Variants in NEK11 observed in about 807,000 individuals in gnomAD.
NEK11 encodes the protein NIMA related kinase 11.
In NEK11, 72 loss-of-function variants were observed where a neutral mutation model predicts 80.7. That is an observed-to-expected ratio of 0.89 (90% confidence interval 0.74 to 1.08). The LOEUF is 1.08. Among genes scored for constraint, NEK11 ranks in the 50% least tolerant of loss-of-function variants. The probability of loss-of-function intolerance (pLI) is 0.00; values close to 1 mark genes in which losing one functional copy is unlikely to be tolerated. For synonymous variants in NEK11, 251 were observed against 260.7 expected (o/e 0.96, Z 0.36); for missense variants, 764 against 763.6 (o/e 1.00, Z -0.01).
intron 17 of NEK11, among the ~76,000 whole-genome samples, chr3:131,341,835 G>A (rs2097292114): frequency 6.6e-6 from 1 of 151,966 alleles, no homozygotes; most frequent in Non-Finnish European, 1.5e-5. Context: ...TTATTTGCCT[G>A]GTAGCTTTGT....
intron 5 of NEK11, among the ~76,000 whole-genome samples, chr3:131,114,834 A>G (rs2080766942): frequency 6.6e-6 from 1 of 152,238 alleles, no homozygotes; most frequent in South Asian, 2.1e-4. Flanking sequence ...TATATGATCT[A>G]CAGTATATAT....
chr3:131,105,930 CCTCATAACTTATG>C (rs2079110199), intron 4 of NEK11, among the ~76,000 whole-genome samples: 1 of 152,190 alleles, frequency 6.6e-6, no homozygotes, highest in Non-Finnish European at 1.5e-5. Flanking sequence ...CAATTCACAT[CCTCATAACTTATG>C]CTTTTCCTTA....
intron 2 of NEK11, among the ~76,000 whole-genome samples, chr3:131,028,802 C>T (rs1232938425): frequency 1.3e-5 from 2 of 152,202 alleles, no homozygotes; most frequent in Non-Finnish European, 2.9e-5. Context: ...GATCCGCCCG[C>T]CTTGGCCTCC....
At chr3:131,317,783 G>GAGGAGGAGGAGAGA (rs2096856052) in intron 17 of NEK11, among the ~76,000 whole-genome samples, 4 of 15,850 alleles carry the variant, frequency 2.5e-4, no homozygotes, top group Non-Finnish European at 5.1e-4. Context: ...GAAGGAGGAG[G>GAGGAGGAGGAGAGA]AGGAGGAGGA....
At chr3:131,131,229 G>A (rs1186760184) in intron 5 of NEK11, among the ~76,000 whole-genome samples, 9 of 152,188 alleles carry the variant, frequency 5.9e-5, no homozygotes, top group Non-Finnish European at 1.2e-4. Flanking sequence ...GGATGATGCT[G>A]ACATCTTAAA....
chr3:131,138,963 C>T (rs533985546), intron 7 of NEK11, among the ~76,000 whole-genome samples: 35 of 152,010 alleles, frequency 2.3e-4, no homozygotes, highest in Non-Finnish European at 4.6e-4. Context: ...CTCTTCAATG[C>T]CCAGGCACTG....
intron 5 of NEK11, among the ~76,000 whole-genome samples, chr3:131,123,655 A>C (rs2149490443): frequency 6.6e-6 from 1 of 152,032 alleles, no homozygotes; most frequent in Non-Finnish European, 1.5e-5. Flanking sequence ...CTATCAATGT[A>C]TTATTTGTAA....
At chr3:131,057,269 T>C (rs1280375844) in intron 3 of NEK11, among the ~76,000 whole-genome samples, 1 of 152,134 alleles carries the variant, frequency 6.6e-6, no homozygotes, top group Non-Finnish European at 1.5e-5. Flanking sequence ...TGCCACATTT[T>C]CTTAATCCAG....
In NEK11 at chr3:131,156,197, G is replaced by A. The variant is rs191943508; in HGVS notation, c.962+1076G>A. Among the ~76,000 whole-genome samples the A allele has an allele frequency of 2.5e-4, 38 of 152,174 alleles. 1 individual carries two copies. The highest frequency in any genetic ancestry group is 7.5e-4 in the African/African-American group (31 of 41,528). ...ACTTCAGATGGTCACTGCTATTTTCGAGATCTATGACTATGTTTCAAGGAG... is the reference window on the plus strand; with the variant it reads ...ACTTCAGATGGTCACTGCTATTTTCAAGATCTATGACTATGTTTCAAGGAG... On this transcript the variant is annotated intron_variant, in intron 10 of 17. Coordinates refer to ENST00000383366, the MANE Select transcript of NEK11 (RefSeq NM_024800.5).
intron 16 of NEK11, among the ~76,000 whole-genome samples, chr3:131,250,891 A>G (rs951117767): frequency 6.6e-6 from 1 of 152,148 alleles, no homozygotes; most frequent in Non-Finnish European, 1.5e-5. Context: ...CTCCTGGAAA[A>G]ACAAAAAGTC....
intron 6 of NEK11, chr3:131,133,468 C>T: frequency 3.5e-6 from 1 of 287,192 alleles, no homozygotes; most frequent in Non-Finnish European, 6.7e-6. Flanking sequence ...AATTCTTCTC[C>T]CCTCAGGTGA....
At chr3:131,073,453 T>C (rs913812028) in intron 3 of NEK11, among the ~76,000 whole-genome samples, 3 of 152,212 alleles carry the variant, frequency 2.0e-5, no homozygotes, top group African/African-American at 4.8e-5. Flanking sequence ...AACAAAAATA[T>C]CTGAAATAAT....
rs770570820 is a variant in NEK11 at position 131,132,713 on chromosome 3, A to G, written c.456-32A>G. The G allele has an allele frequency of 9.3e-6, 11 of 1,182,250 alleles. No individual in the cohort carries two copies. In the Admixed American group the frequency reaches 1.5e-4, roughly 16 times the overall value. 73.2% of individuals were successfully genotyped at this position (1,182,250 alleles called of 1,614,324 possible). On this transcript the variant is annotated intron_variant, in intron 5 of 17. Transcript: ENST00000383366. ...GGGATTTAAAAATGTTATATTCTGC[A>G]TGAAGTTGTATATCTTTTTTGCCTT...
At chr3:131,049,559 C>T (rs1285082732) in intron 3 of NEK11, among the ~76,000 whole-genome samples, 2 of 152,182 alleles carry the variant, frequency 1.3e-5, no homozygotes, top group African/African-American at 4.8e-5. Flanking sequence ...CCACAAACGG[C>T]TTAATTTGTG....
At chr3:131,171,734 T>C (rs1306885781) in intron 14 of NEK11, among the ~76,000 whole-genome samples, 2 of 152,216 alleles carry the variant, frequency 1.3e-5, no homozygotes, top group Non-Finnish European at 2.9e-5. Flanking sequence ...GAAGCAGTTA[T>C]GACACTTTGA....
At chr3:131,172,878 C>A (rs1166496467) in intron 14 of NEK11, among the ~76,000 whole-genome samples, 1 of 152,154 alleles carries the variant, frequency 6.6e-6, no homozygotes, top group Non-Finnish European at 1.5e-5. Flanking sequence ...TCCACCAAAC[C>A]CAAGATGGCA....
At chr3:131,274,277 AG>A (rs1490503141) in intron 17 of NEK11, among the ~76,000 whole-genome samples, 1 of 146,626 alleles carries the variant, frequency 6.8e-6, no homozygotes, top group Admixed American at 6.8e-5. Flanking sequence ...GTCCCTACAA[AG>A]GACATGAACT....
intron 7 of NEK11, among the ~76,000 whole-genome samples, chr3:131,140,890 C>T (rs922454600): frequency 6.6e-6 from 1 of 152,118 alleles, no homozygotes; most frequent in African/African-American, 2.4e-5. Flanking sequence ...AACGTCACCC[C>T]TAGCACTGGA....
rs556399690 is a variant in NEK11 at position 131,164,174 on chromosome 3, T to C, written c.1083-1252T>C. On this transcript the variant is annotated intron_variant, in intron 11 of 17. Coordinates refer to ENST00000383366, the MANE Select transcript of NEK11 (RefSeq NM_024800.5). The stretch of plus-strand genomic sequence containing the variant: ...AGAGAAAGATTTCCATGAAAGTACA[T>C]TGTGAGCAGTGGTGTGCTGGTAAAT... Among the ~76,000 whole-genome samples the C allele has an allele frequency of 2.0e-5, 3 of 152,340 alleles. No homozygotes were observed. The South Asian group carries it at 6.2e-4, about 32-fold the overall frequency.
Sources: allele counts gnomAD v4.1 joint callset (sites outside exome capture counted in the v4.1 genomes callset), GRCh38; gene constraint gnomAD v4.1.1; transcripts MANE v1.5; gene names NCBI Gene and HGNC (gene_info 2026-07-23, HGNC 2026-07-21).